The following RMND5A variants were observed in gnomAD, a reference collection of about 807,000 sequenced individuals.
RMND5A encodes the protein E3 ubiquitin-protein transferase RMND5A.
RMND5A carries 17 observed loss-of-function variants against 49.7 expected under a neutral mutation model. That is an observed-to-expected ratio of 0.34 (90% CI 0.23 to 0.51). The LOEUF is 0.51. RMND5A is among the 20% of genes least tolerant of loss of function. The pLI, the probability that RMND5A is intolerant of heterozygous loss-of-function variation, is 0.96. For synonymous variants in RMND5A, 156 were observed against 167.7 expected (o/e 0.93, Z 0.54); for missense variants, 255 against 471.3 (o/e 0.54, Z 4.25).
At chr2:86,760,964 AAGT>A (rs1672476306) in intron 4 of RMND5A, among the ~76,000 whole-genome samples, 1 of 102,196 alleles carries the variant, frequency 9.8e-6, no homozygotes, top group Non-Finnish European at 2.0e-5. Flanking sequence ...TGAGAGAGAG[AAGT>A]GTGTGTGTGT....
intron 2 of RMND5A, among the ~76,000 whole-genome samples, chr2:86,747,847 T>A (rs1681565509): frequency 6.6e-6 from 1 of 152,154 alleles, no homozygotes; most frequent in Non-Finnish European, 1.5e-5. Flanking sequence ...CATAATGATG[T>A]TGTATCAAAG....
chr2:86,748,335 A>G (rs897279326), intron 2 of RMND5A: 2 of 152,230 alleles, frequency 1.3e-5, no homozygotes, highest in Non-Finnish European at 2.9e-5. Flanking sequence ...TAAGCTATGG[A>G]AGTTTACTTA....
chr2:86,747,195 A>C (rs12997796), intron 2 of RMND5A, among the ~76,000 whole-genome samples: 3 of 152,106 alleles, frequency 2.0e-5, no homozygotes, highest in East Asian at 3.8e-4. Context: ...TCAGACTTCA[A>C]ATGTTTAAAG....
At chr2:86,753,597 ACT>A in intron 4 of RMND5A, 39 bp downstream of exon 4, 1 of 1,060,924 alleles carries the variant, frequency 9.4e-7, no homozygotes, top group Non-Finnish European at 1.4e-6. Flanking sequence ...TACTTTGAGA[ACT>A]CTCTGTAAGA....
chr2:86,772,646 G>A (rs186175360), intron 8 of RMND5A, among the ~76,000 whole-genome samples: 136 of 151,262 alleles, frequency 9.0e-4, no homozygotes, highest in African/African-American at 3.2e-3. Flanking sequence ...TCAGGCTGGA[G>A]TGCAGTGGTG....
intron 3 of RMND5A, among the ~76,000 whole-genome samples, chr2:86,753,074 C>T (rs1681663723): frequency 6.6e-6 from 1 of 152,186 alleles, no homozygotes; most frequent in African/African-American, 2.4e-5. Context: ...CATTGTGAAA[C>T]TCTTAGGGAC....
At chr2:86,769,603 A>G (rs547096652) in intron 6 of RMND5A, among the ~76,000 whole-genome samples, 45 of 152,190 alleles carry the variant, frequency 3.0e-4, no homozygotes, top group African/African-American at 1.0e-3. Flanking sequence ...TTTCTTTTTT[A>G]AAATGCATGT....
At chr2:86,721,387 T>C (rs1681219353) in intron 1 of RMND5A, among the ~76,000 whole-genome samples, 1 of 151,906 alleles carries the variant, frequency 6.6e-6, no homozygotes, top group African/African-American at 2.4e-5. Flanking sequence ...TTGGCTGCTG[T>C]GTGGACGCAG....
At chr2:86,767,158 G>A (rs13029597) in intron 6 of RMND5A, among the ~76,000 whole-genome samples, 17,696 of 152,100 alleles carry the variant, frequency 0.12, 1,090 homozygotes, top group African/African-American at 0.14. Flanking sequence ...CCACCTCTTG[G>A]GTTCAAGCGA....
At position 86,776,982 on chromosome 2, in the gene RMND5A, G is replaced by T. The variant is rs2104417366; in HGVS notation, c.*3571G>T. ...GTACACTGATGTTTACCATAAGCAGGTACAAGCTTCATGAACCGTTCTTAA... is the reference window on the plus strand; with the variant it reads ...GTACACTGATGTTTACCATAAGCAGTTACAAGCTTCATGAACCGTTCTTAA... On this transcript the variant is annotated 3_prime_UTR_variant, in exon 9 of 9. Coordinates refer to ENST00000283632, the MANE Select transcript of RMND5A (RefSeq NM_022780.4). 6.6e-6 allele frequency: 1 copy of T among 152,252 alleles called. No individual in the cohort carries two copies. The highest frequency in any genetic ancestry group is 6.5e-5 in the Admixed American group (1 of 15,304). The allele number at this position is 152,252 out of a possible 1,614,324, so 9.4% of individuals were successfully genotyped here. A position where few individuals can be genotyped will look rare whatever the true frequency, so the allele number is the denominator to read the frequency against.
rs990260731 is a variant in RMND5A at position 86,775,314 on chromosome 2, A to G, written c.*1903A>G. On this transcript the variant is annotated 3_prime_UTR_variant, in exon 9 of 9. Transcript: ENST00000283632. ...TTTGAATTAAAACCTAGAGTGTTGTATTTTTCTTTCTTTCTTTTTTTTTTT... is the reference window on the plus strand; with the variant it reads ...TTTGAATTAAAACCTAGAGTGTTGTGTTTTTCTTTCTTTCTTTTTTTTTTT... 2 of 98,372 alleles carry G rather than the reference A, an allele frequency of 2.0e-5. No individual in the cohort carries two copies. The highest frequency in any genetic ancestry group is 7.9e-5 in the African/African-American group (2 of 25,460). The allele number at this position is 98,372 out of a possible 1,614,324, so 6.1% of individuals were successfully genotyped here.
chr2:86,770,876 T>C (rs1273918399), intron 7 of RMND5A, among the ~76,000 whole-genome samples: 1 of 152,234 alleles, frequency 6.6e-6, no homozygotes, highest in African/African-American at 2.4e-5. Flanking sequence ...TGACAGGCAC[T>C]GAGGCTCTGG....
At chr2:86,743,373 T>C (rs1558720458) in intron 2 of RMND5A, among the ~76,000 whole-genome samples, 1 of 152,126 alleles carries the variant, frequency 6.6e-6, no homozygotes, top group Non-Finnish European at 1.5e-5. Flanking sequence ...ACTTTTTTTT[T>C]TTTTATGCCC....
At chr2:86,762,475 T>C (rs1672510717) in intron 4 of RMND5A, among the ~76,000 whole-genome samples, 2 of 151,136 alleles carry the variant, frequency 1.3e-5, no homozygotes, top group South Asian at 4.2e-4. Flanking sequence ...TGAGACCCTA[T>C]CTCTACTAAA....
At chr2:86,743,353 T>C (rs1388745297) in intron 2 of RMND5A, among the ~76,000 whole-genome samples, 2 of 151,384 alleles carry the variant, frequency 1.3e-5, no homozygotes, top group Non-Finnish European at 2.9e-5. Flanking sequence ...TACTCATTGC[T>C]CTTTTGAGGA....
chr2:86,763,937 G>T (rs541289677), intron 4 of RMND5A, among the ~76,000 whole-genome samples: 2 of 152,276 alleles, frequency 1.3e-5, no homozygotes, highest in Non-Finnish European at 2.9e-5. Flanking sequence ...CTTTGACTTT[G>T]AAGTCAAAGA....
intron 2 of RMND5A, among the ~76,000 whole-genome samples, chr2:86,744,053 C>T (rs991631665): frequency 1.3e-5 from 2 of 151,876 alleles, no homozygotes; most frequent in South Asian, 2.1e-4. Context: ...GTACTGTAGT[C>T]TGCCACCACA....
At chr2:86,757,567 A>C (rs1260809054) in intron 4 of RMND5A, among the ~76,000 whole-genome samples, 1 of 152,306 alleles carries the variant, frequency 6.6e-6, no homozygotes, top group Non-Finnish European at 1.5e-5. Context: ...GTAACTTAAT[A>C]CAACGAGGTG....
chr2:86,758,170 A>AT (rs1681779021), intron 4 of RMND5A, among the ~76,000 whole-genome samples: 1 of 152,136 alleles, frequency 6.6e-6, no homozygotes, highest in Non-Finnish European at 1.5e-5. Context: ...GCACAACAAG[A>AT]TAAAAATACA....
Sources: gnomAD v4.1 joint callset for allele counts (sites outside exome capture counted in the v4.1 genomes callset) on GRCh38, gnomAD v4.1.1 for gene constraint, MANE v1.5 for transcripts, NCBI Gene and HGNC (gene_info 2026-07-23, HGNC 2026-07-21) for gene names.